The following LOXL2 variants were observed in gnomAD, a reference collection of about 807,000 sequenced individuals.
The protein encoded by LOXL2 is lysyl oxidase homolog 2.
In LOXL2, 70 loss-of-function variants were observed where a neutral mutation model predicts 93.0. The ratio of observed to expected loss-of-function variants is 0.75; its 90% CI spans 0.62 to 0.92. LOXL2 has a LOEUF of 0.92. Among genes scored for constraint, LOXL2 ranks in the 40% least tolerant of loss-of-function variants. LOXL2 has a pLI of 0.00. For synonymous variants in LOXL2, 438 were observed against 413.2 expected, an observed-to-expected ratio of 1.06 and a Z score of -0.73; for missense variants, 973 against 1,054.9, an observed-to-expected ratio of 0.92 and a Z score of 1.08.
chr8:23,367,588 C>T (rs529185060), intron 2 of LOXL2, among the ~76,000 whole-genome samples: 18 of 151,356 alleles, frequency 1.2e-4, no homozygotes, highest in African/African-American at 3.4e-4. Context: ...TAACAGGGAA[C>T]GATTTGGAGT....
At chr8:23,347,538 T>G (rs1013170769) in intron 3 of LOXL2, among the ~76,000 whole-genome samples, 3 of 151,430 alleles carry the variant, frequency 2.0e-5, no homozygotes, top group African/African-American at 7.3e-5. Context: ...TAATCCCAGC[T>G]ACTTGGGAGG....
intron 1 of LOXL2, among the ~76,000 whole-genome samples, chr8:23,393,686 C>A (rs966250230): frequency 1.3e-5 from 2 of 151,896 alleles, no homozygotes; most frequent in East Asian, 1.9e-4. Flanking sequence ...GGAAAATATA[C>A]GTAAATTAAA....
At chr8:23,382,516 CAAAA>C (rs536496140) in intron 1 of LOXL2, 4 of 58,200 alleles carry the variant, frequency 6.9e-5, no homozygotes, top group African/African-American at 6.2e-5. Context: ...GACTCCATCT[CAAAA>C]AAAAAAAAAA....
Position 23,344,008 on chromosome 8 carries a change from T to C in LOXL2, c.532-2805A>G, listed in dbSNP as rs982571114. Among the ~76,000 whole-genome samples, 39 of 152,314 alleles carry C rather than the reference T, an allele frequency of 2.6e-4. 1 individual carries two copies. Among genetic ancestry groups the C allele is most frequent in the African/African-American group, 8.9e-4 (37 of 41,584 alleles). Reference sequence around the variant, plus strand: ...CCTTCAGTTCACAGATCCTTTCCCCTGCGTTGGGCAGCAGTGCAGGCTCGC... The same window carrying C: ...CCTTCAGTTCACAGATCCTTTCCCCCGCGTTGGGCAGCAGTGCAGGCTCGC... On this transcript the variant is annotated intron_variant, in intron 3 of 13. Transcript: ENST00000389131.
chr8:23,352,835 C>T (rs917661208), intron 3 of LOXL2, among the ~76,000 whole-genome samples: 2 of 152,000 alleles, frequency 1.3e-5, no homozygotes, highest in Non-Finnish European at 2.9e-5. Context: ...CCCCTCAAGA[C>T]CTCCTGGGCT....
intron 4 of LOXL2, among the ~76,000 whole-genome samples, chr8:23,338,849 G>A (rs911709983): frequency 3.3e-5 from 5 of 152,176 alleles, no homozygotes; most frequent in South Asian, 2.1e-4. Context: ...CCCTACCCCC[G>A]GGAGAAGAGG....
intron 3 of LOXL2, among the ~76,000 whole-genome samples, chr8:23,349,709 C>G (rs1013841706): frequency 6.6e-6 from 1 of 152,070 alleles, no homozygotes; most frequent in Non-Finnish European, 1.5e-5. Flanking sequence ...GACTGTGAAT[C>G]CCCTAAGGGC....
intron 1 of LOXL2, among the ~76,000 whole-genome samples, chr8:23,373,198 C>T (rs911725532): frequency 2.0e-5 from 3 of 152,178 alleles, no homozygotes; most frequent in Non-Finnish European, 2.9e-5. Flanking sequence ...ATACCTCAGG[C>T]CCTGCTGGGA....
chr8:23,385,962 G>A, intron 1 of LOXL2: 1 of 765,242 alleles, frequency 1.3e-6, no homozygotes, highest in Non-Finnish European at 2.4e-6. Flanking sequence ...GTGTTTGGTG[G>A]CCCCATATGG....
chr8:23,361,742 G>A (rs1324018686), intron 2 of LOXL2, among the ~76,000 whole-genome samples: 1 of 152,178 alleles, frequency 6.6e-6, no homozygotes, highest in Admixed American at 6.5e-5. Context: ...TCGGGAGGCT[G>A]AGGCAGAGAA....
rs1803290859 is a variant in LOXL2, at chr8:23,309,686, A to T, written c.1862T>A (p.Ile621Asn). 1 of 1,503,826 alleles carries T rather than the reference A, an allele frequency of 6.6e-7. No individual in the cohort carries two copies. The highest frequency in any genetic ancestry group is 8.9e-7 in the Non-Finnish European group (1 of 1,121,290). The allele number at this position is 1,503,826 out of a possible 1,614,324, so 93.2% of individuals were successfully genotyped here. A position where few individuals can be genotyped will look rare whatever the true frequency, so the allele number is the denominator to read the frequency against. Reference sequence around the variant, plus strand: ...GGCCTACCTGTGACAGTCGTGCCAGATCCACGCGTGGCGGCCGTTCTTGGG... The same window carrying T: ...GGCCTACCTGTGACAGTCGTGCCAGTTCCACGCGTGGCGGCCGTTCTTGGG... Reference protein sequence around the residue: ...FRPKNGRHAWIWHDCHRHYHS... With the variant: ...FRPKNGRHAWNWHDCHRHYHS... The change falls in exon 10 of 14, where the codon ATC becomes AAC. Residue 621 changes from isoleucine to asparagine, a missense_variant. By Grantham distance (149) the Ile-to-Asn change is moderately radical (BLOSUM62 -3). Coordinates refer to ENST00000389131, the MANE Select transcript of LOXL2 (RefSeq NM_002318.3).
intron 4 of LOXL2, among the ~76,000 whole-genome samples, chr8:23,334,202 C>A (rs989367661): frequency 5.9e-5 from 9 of 152,176 alleles, no homozygotes; most frequent in African/African-American, 2.2e-4. Flanking sequence ...CCACGCCCAG[C>A]TAATTTTTGT....
Position 23,298,052 on chromosome 8 carries a change from G to A in LOXL2, c.2316C>T (p.Ser772=). 1.2e-6 allele frequency: 2 copies of A among 1,613,666 alleles called. No homozygotes were observed. The highest frequency in any genetic ancestry group is 1.7e-6 in the Non-Finnish European group (2 of 1,179,886). The change falls in exon 14 of 14, where the codon TCC becomes TCT. Residue 772 remains serine (S), a synonymous_variant. Transcript: ENST00000389131. ...HFSGLLNNQL[S]PQ is the part of the protein sequence containing the mutation. ...GACCACGCAGGCTTCTTTACTGCGG[G>A]GACAGCTGGTTGTTTAAGAGCCCGC...
At position 23,305,018 on chromosome 8, in the gene LOXL2, C is replaced by T. The variant is rs536373838; in HGVS notation, c.1881-1621G>A. On this transcript the variant is annotated intron_variant, in intron 10 of 13. Coordinates refer to ENST00000389131, the MANE Select transcript of LOXL2 (RefSeq NM_002318.3). ...TCACTCATGTTTCTGGGTAAAATGA[C>T]GCTAAGCCCGGGTTCCACTGAGAAC... 2.0e-5 allele frequency among the ~76,000 whole-genome samples: 3 copies of T among 152,238 alleles called. No individual in the cohort carries two copies. The South Asian group carries it at 6.2e-4, about 32-fold the overall frequency.
In LOXL2 at chr8:23,366,617, A is replaced by G. The variant is rs1804405551; in HGVS notation, c.355+1380T>C. 3.3e-5 allele frequency among the ~76,000 whole-genome samples: 5 copies of G among 152,308 alleles called. No homozygotes were observed. In the South Asian group the frequency reaches 1.0e-3, roughly 32 times the overall value. The stretch of plus-strand genomic sequence containing the variant: ...GAGGTCTGCGCTATTCTGTACTTTT[A>G]AGCTCCCTTGGGCGATTCTTACGCA... On this transcript the variant is annotated intron_variant, in intron 2 of 13. Coordinates refer to ENST00000389131, the MANE Select transcript of LOXL2 (RefSeq NM_002318.3).
At chr8:23,299,677 G>T (rs960859588) in intron 12 of LOXL2, among the ~76,000 whole-genome samples, 2 of 152,208 alleles carry the variant, frequency 1.3e-5, no homozygotes, top group Non-Finnish European at 2.9e-5. Flanking sequence ...CAACAGTGGT[G>T]AACAGAGGGG....
chr8:23,305,629 C>T (rs1803218143), intron 10 of LOXL2, among the ~76,000 whole-genome samples: 2 of 151,698 alleles, frequency 1.3e-5, no homozygotes, highest in East Asian at 1.9e-4. Context: ...GCTGAGCTGT[C>T]GTGACCCTTG....
chr8:23,348,023 T>TA (rs1435235095), intron 3 of LOXL2, among the ~76,000 whole-genome samples: 5 of 150,750 alleles, frequency 3.3e-5, no homozygotes, highest in African/African-American at 7.3e-5. Context: ...AAAGTATAAT[T>TA]AAAAAAAAGA....
In LOXL2 at chr8:23,368,368, A is replaced by G. The variant is rs1448630017; in HGVS notation, c.-17T>C. ...CCTCTCCATCCCTGTCTTCGGGCTG[A>G]TGATCCCACGAAGGGGCCCTGCGCA... is the stretch of plus-strand genomic sequence containing the variant. On this transcript the variant is annotated 5_prime_UTR_variant, in exon 2 of 14. Transcript: ENST00000389131. The G allele has an allele frequency of 6.2e-7, 1 of 1,604,564 alleles. No homozygotes were observed. Among genetic ancestry groups the G allele is most frequent in the Non-Finnish European group, 8.5e-7 (1 of 1,176,148 alleles).
Sources: allele counts gnomAD v4.1 joint callset (sites outside exome capture counted in the v4.1 genomes callset), GRCh38; gene constraint gnomAD v4.1.1; transcripts MANE v1.5; gene names NCBI Gene and HGNC (gene_info 2026-07-23, HGNC 2026-07-21).